The following PLCB1 variants were observed in gnomAD, a reference collection of about 807,000 sequenced individuals.
PLCB1 encodes the protein 1-phosphatidylinositol 4,5-bisphosphate phosphodiesterase beta-1.
In PLCB1, 46 loss-of-function variants were observed where a neutral mutation model predicts 161.8. The observed-to-expected ratio is 0.28, with a 90% CI of 0.22 to 0.36. The LOEUF (loss-of-function observed/expected upper bound fraction) is 0.36, where lower values mean the gene tolerates loss of function less well. Ranked by LOEUF, PLCB1 falls within the 10% of genes least tolerant of loss-of-function variation. The pLI is 1.00. For missense variants in PLCB1, 1,016 were observed against 1,472.5 expected (o/e 0.69, Z 5.07); for synonymous variants, 517 against 503.7 (o/e 1.03, Z -0.35).
chr20:8,327,008 C>G (rs1006914854), intron 2 of PLCB1, among the ~76,000 whole-genome samples: 1 of 152,210 alleles, frequency 6.6e-6, no homozygotes, highest in African/African-American at 2.4e-5. Context: ...ACCTCAGCCT[C>G]CTGAGTAGCT....
At chr20:8,643,940 G>A (rs1174743337) in intron 4 of PLCB1, among the ~76,000 whole-genome samples, 5 of 152,248 alleles carry the variant, frequency 3.3e-5, no homozygotes, top group Admixed American at 2.0e-4. Context: ...GATTGCAGGC[G>A]CGCGCCGCCA....
intron 2 of PLCB1, among the ~76,000 whole-genome samples, chr20:8,311,384 T>A (rs1984396063): frequency 1.3e-5 from 2 of 152,220 alleles, no homozygotes; most frequent in Admixed American, 6.5e-5. Context: ...CTTATGTGAA[T>A]CTCTAGAGCC....
intron 3 of PLCB1, among the ~76,000 whole-genome samples, chr20:8,513,556 C>T (rs544426383): frequency 6.6e-6 from 1 of 152,278 alleles, no homozygotes. Context: ...GTGCTGAAGC[C>T]AAGAGAGAAA....
chr20:8,655,899 AG>A (rs1989444548), intron 7 of PLCB1, among the ~76,000 whole-genome samples: 1 of 151,998 alleles, frequency 6.6e-6, no homozygotes, highest in East Asian at 1.9e-4. Flanking sequence ...ACTTAGAGAG[AG>A]GGTGGTACTG....
chr20:8,586,217 C>T (rs1057147065), intron 3 of PLCB1, among the ~76,000 whole-genome samples: 1 of 152,210 alleles, frequency 6.6e-6, no homozygotes, highest in African/African-American at 2.4e-5. Context: ...CCTCAAATAT[C>T]CCATTAGCAT....
At chr20:8,656,607 T>C (rs997621714) in intron 7 of PLCB1, among the ~76,000 whole-genome samples, 1 of 151,850 alleles carries the variant, frequency 6.6e-6, no homozygotes, top group Admixed American at 6.6e-5. Context: ...GAGCAGTCAG[T>C]GAAAAAATAA....
At chr20:8,152,474 A>C (rs1268732519) in intron 2 of PLCB1, among the ~76,000 whole-genome samples, 2 of 152,108 alleles carry the variant, frequency 1.3e-5, no homozygotes. Context: ...TGGCATGCCA[A>C]GCTTTTAGTG....
chr20:8,452,910 C>T (rs956060524), intron 3 of PLCB1, among the ~76,000 whole-genome samples: 1 of 152,178 alleles, frequency 6.6e-6, no homozygotes, highest in Non-Finnish European at 1.5e-5. Context: ...TCAACAACAC[C>T]ATGTTTGCTT....
chr20:8,722,895 T>G (rs183587096), intron 15 of PLCB1, among the ~76,000 whole-genome samples: 4 of 152,284 alleles, frequency 2.6e-5, no homozygotes, highest in East Asian at 3.9e-4. Flanking sequence ...GGTGTACACC[T>G]GTAGTTCCAG....
At chr20:8,749,116 T>G (rs933537951) in intron 23 of PLCB1, among the ~76,000 whole-genome samples, 2 of 152,190 alleles carry the variant, frequency 1.3e-5, no homozygotes, top group Non-Finnish European at 2.9e-5. Flanking sequence ...GCTCTCAAAC[T>G]TTAGCATGTA....
chr20:8,391,932 G>A (rs1196369693), intron 3 of PLCB1, among the ~76,000 whole-genome samples: 15 of 151,026 alleles, frequency 9.9e-5, no homozygotes, highest in Admixed American at 9.9e-4. Context: ...AAAATACTGG[G>A]ATGTAATTTA....
At chr20:8,289,399 A>G (rs192880002) in intron 2 of PLCB1, among the ~76,000 whole-genome samples, 165 of 152,214 alleles carry the variant, frequency 1.1e-3, no homozygotes, top group Non-Finnish European at 2.0e-3. Flanking sequence ...CTCCCGGGAA[A>G]GCTGATGCTG....
At chr20:8,814,634 A>G (rs1164386167) in intron 31 of PLCB1, among the ~76,000 whole-genome samples, 1 of 151,224 alleles carries the variant, frequency 6.6e-6, no homozygotes, top group Non-Finnish European at 1.5e-5. Context: ...AGGCAGGTTT[A>G]CTCATTGCTT....
chr20:8,338,488 C>G (rs553784225), intron 2 of PLCB1, among the ~76,000 whole-genome samples: 201 of 152,184 alleles, frequency 1.3e-3, no homozygotes, highest in African/African-American at 4.3e-3. Flanking sequence ...ATTCTTTTTC[C>G]ATCTTGTGAT....
chr20:8,311,985 C>T (rs1247492881), intron 2 of PLCB1, among the ~76,000 whole-genome samples: 1 of 152,186 alleles, frequency 6.6e-6, no homozygotes, highest in Non-Finnish European at 1.5e-5. Flanking sequence ...GTCCCCTCTT[C>T]CCTCTCACTG....
At chr20:8,695,554 T>C (rs1306691326) in intron 10 of PLCB1, among the ~76,000 whole-genome samples, 1 of 152,026 alleles carries the variant, frequency 6.6e-6, no homozygotes, top group Non-Finnish European at 1.5e-5. Flanking sequence ...ATACAAAAAT[T>C]AGTTGAGCAT....
chr20:8,374,525 A>G (rs1242686552), intron 3 of PLCB1, among the ~76,000 whole-genome samples: 1 of 152,128 alleles, frequency 6.6e-6, no homozygotes, highest in Admixed American at 6.5e-5. Flanking sequence ...CTCCCCACCT[A>G]ACAGTGTCAT....
chr20:8,757,715 C>T (rs1981809145), intron 24 of PLCB1, among the ~76,000 whole-genome samples: 1 of 152,030 alleles, frequency 6.6e-6, no homozygotes, highest in African/African-American at 2.4e-5. Context: ...CTGCCATTTT[C>T]AGGTGATAAA....
chr20:8,858,537 C>T (rs950558167), intron 31 of PLCB1, among the ~76,000 whole-genome samples: 5 of 152,118 alleles, frequency 3.3e-5, no homozygotes, highest in Admixed American at 6.6e-5. Context: ...TGAGATCCCT[C>T]GGGGAGTCTT....
Sources: gnomAD v4.1 joint callset for allele counts (sites outside exome capture counted in the v4.1 genomes callset) on GRCh38, gnomAD v4.1.1 for gene constraint, MANE v1.5 for transcripts, NCBI Gene and HGNC (gene_info 2026-07-23, HGNC 2026-07-21) for gene names.